Variants in ARHGEF26 observed in about 807,000 individuals in gnomAD.
ARHGEF26 encodes the protein Rho guanine nucleotide exchange factor (GEF) 26.
Under a neutral mutation model 89.4 loss-of-function variants are expected in ARHGEF26, and 59 were observed. That is an observed-to-expected ratio of 0.66 (90% CI 0.54 to 0.82). The LOEUF is 0.82. Among genes scored for constraint, ARHGEF26 ranks in the 40% least tolerant of loss-of-function variants. ARHGEF26 has a pLI of 0.00. For synonymous variants in ARHGEF26, 500 were observed against 428.4 expected, an observed-to-expected ratio of 1.17 and a Z score of -2.06; for missense variants, 1,234 against 1,085.6, an observed-to-expected ratio of 1.14 and a Z score of -1.92.
intron 13 of ARHGEF26, 30 bp from the exon 14 acceptor site, chr3:154,254,690 G>A: frequency 6.3e-7 from 1 of 1,576,050 alleles, no homozygotes; most frequent in African/African-American, 1.3e-5. Flanking sequence ...TCTGCTACTG[G>A]AAACTTAGTA....
chr3:154,252,016 G>T (rs377472197), intron 12 of ARHGEF26, among the ~76,000 whole-genome samples: 3 of 152,158 alleles, frequency 2.0e-5, no homozygotes, highest in Admixed American at 1.3e-4. Flanking sequence ...GGAAAGGCTG[G>T]GGCAAGGGTG....
At position 154,254,710 on chromosome 3, in the gene ARHGEF26, T is replaced by C; in HGVS notation, c.2369-10T>C. 1 of 1,612,272 alleles carries C rather than the reference T, an allele frequency of 6.2e-7. No individual in the cohort carries two copies. The highest frequency in any genetic ancestry group is 8.5e-7 in the Non-Finnish European group (1 of 1,178,590). On this transcript the variant is annotated splice_polypyrimidine_tract_variant and intron_variant, in intron 13 of 14. Coordinates refer to ENST00000465093, the MANE Select transcript of ARHGEF26 (RefSeq NM_015595.4). ...TACTGGAAACTTAGTATGTCCTCTT[T>C]TGGCCTCAGCACTGACCCAGGTGGA...
chr3:154,180,896 T>C, intron 6 of ARHGEF26, among the ~76,000 whole-genome samples: 1 of 152,134 alleles, frequency 6.6e-6, no homozygotes, highest in African/African-American at 2.4e-5. Context: ...ACACATTTCC[T>C]ATCACTGTTA....
At chr3:154,173,602 G>A (rs1460960423) in intron 6 of ARHGEF26, among the ~76,000 whole-genome samples, 1 of 152,182 alleles carries the variant, frequency 6.6e-6, no homozygotes, top group Non-Finnish European at 1.5e-5. Context: ...TGTTTTATAG[G>A]TTAATGAAAG....
chr3:154,131,101 T>C (rs1718658914), intron 4 of ARHGEF26, among the ~76,000 whole-genome samples: 1 of 152,168 alleles, frequency 6.6e-6, no homozygotes, highest in African/African-American at 2.4e-5. Flanking sequence ...ACCCTTATGA[T>C]TATGCCAAAA....
intron 6 of ARHGEF26, among the ~76,000 whole-genome samples, chr3:154,179,326 A>G (rs1006810015): frequency 4.6e-5 from 7 of 152,334 alleles, no homozygotes; most frequent in Non-Finnish European, 1.0e-4. Flanking sequence ...TTCTTTGTTC[A>G]AACTACTCTC....
chr3:154,156,824 C>G (rs747166343), intron 6 of ARHGEF26, among the ~76,000 whole-genome samples: 2 of 152,158 alleles, frequency 1.3e-5, no homozygotes, highest in Admixed American at 6.5e-5. Context: ...AATAAATGAT[C>G]AGTGTCTGAA....
chr3:154,227,322 G>T, intron 11 of ARHGEF26, among the ~76,000 whole-genome samples: 1 of 136,094 alleles, frequency 7.3e-6, no homozygotes, highest in South Asian at 2.3e-4. Flanking sequence ...TTGAGATAGA[G>T]TCTTGCTGTG....
chr3:154,248,610 T>C (rs114828895), intron 12 of ARHGEF26, among the ~76,000 whole-genome samples: 1,722 of 152,202 alleles, frequency 0.011, 30 homozygotes, highest in African/African-American at 0.039. Context: ...CCAACCCCAA[T>C]AGGACAAGAG....
chr3:154,121,807 C>G (rs1452426139), intron 1 of ARHGEF26, 135 bp from the exon 2 acceptor site: 8 of 785,146 alleles, frequency 1.0e-5, no homozygotes, highest in East Asian at 2.8e-5. Context: ...AGTTTTTGCC[C>G]GAGAAAGGGC....
intron 9 of ARHGEF26, among the ~76,000 whole-genome samples, chr3:154,210,523 C>A (rs977276416): frequency 6.6e-6 from 1 of 151,700 alleles, no homozygotes; most frequent in East Asian, 2.0e-4. Context: ...CCATGCTGGC[C>A]AGGCTGGTCT....
chr3:154,256,872 C>G lies in ARHGEF26; in HGVS notation c.*1399C>G, dbSNP rs1021426533. ...GAACTTTACTTTTTCCACTAGTGCA[C>G]AGAGAGAGAAAGGTTATCTTAATAG... On this transcript the variant is annotated 3_prime_UTR_variant, in exon 15 of 15. Coordinates refer to ENST00000465093, the MANE Select transcript of ARHGEF26 (RefSeq NM_015595.4). 49 of 1,534,316 alleles carry G rather than the reference C, an allele frequency of 3.2e-5. No homozygotes were observed. In the East Asian group the frequency reaches 6.6e-4, roughly 21 times the overall value.
At chr3:154,128,545 A>G (rs1330823757) in intron 3 of ARHGEF26, among the ~76,000 whole-genome samples, 3 of 151,810 alleles carry the variant, frequency 2.0e-5, no homozygotes, top group African/African-American at 7.3e-5. Flanking sequence ...GCCGGCCTCA[A>G]CTCCCATCTT....
At chr3:154,176,904 G>C (rs925519885) in intron 6 of ARHGEF26, among the ~76,000 whole-genome samples, 1 of 152,250 alleles carries the variant, frequency 6.6e-6, no homozygotes, top group South Asian at 2.1e-4. Flanking sequence ...TCAGTCTCCT[G>C]AATAGCTAAA....
At chr3:154,215,705 T>C (rs975436177) in intron 9 of ARHGEF26, among the ~76,000 whole-genome samples, 2 of 152,132 alleles carry the variant, frequency 1.3e-5, no homozygotes, top group African/African-American at 4.8e-5. Context: ...CTTCTCCCTA[T>C]GTCCTCACAT....
intron 6 of ARHGEF26, among the ~76,000 whole-genome samples, chr3:154,153,570 A>G (rs904599048): frequency 4.6e-5 from 7 of 152,178 alleles, no homozygotes; most frequent in Admixed American, 2.0e-4. Flanking sequence ...GGTTATACTT[A>G]TGATGATGCT....
At chr3:154,250,977 AG>A (rs1718113173) in intron 12 of ARHGEF26, among the ~76,000 whole-genome samples, 1 of 152,016 alleles carries the variant, frequency 6.6e-6, no homozygotes, top group Admixed American at 6.6e-5. Context: ...AGAGAGAGAG[AG>A]AGAGAGGTTT....
intron 9 of ARHGEF26, among the ~76,000 whole-genome samples, chr3:154,200,509 G>T (rs559900177): frequency 6.6e-6 from 1 of 151,968 alleles, no homozygotes; most frequent in African/African-American, 2.4e-5. Context: ...TTCCAATTTT[G>T]TTCTTTTTGC....
At chr3:154,254,437 T>TCTGTTCCA (rs1281411628) in intron 13 of ARHGEF26, among the ~76,000 whole-genome samples, 2 of 152,180 alleles carry the variant, frequency 1.3e-5, no homozygotes, top group Non-Finnish European at 2.9e-5. Context: ...GTGGCTGTTT[T>TCTGTTCCA]CTGTTCCATT....
Sources: gnomAD v4.1 joint callset for allele counts (sites outside exome capture counted in the v4.1 genomes callset) on GRCh38, gnomAD v4.1.1 for gene constraint, MANE v1.5 for transcripts, NCBI Gene and HGNC (gene_info 2026-07-23, HGNC 2026-07-21) for gene names.